The following PAM variants were observed in gnomAD, a reference collection of about 807,000 sequenced individuals.
PAM encodes peptidylglycine alpha-amidating monooxygenase, also known as peptidyl-glycine alpha-amidating monooxygenase.
In PAM, 72 loss-of-function variants were observed where a neutral mutation model predicts 122.1. The ratio of observed to expected loss-of-function variants is 0.59; its 90% CI spans 0.49 to 0.72. The LOEUF (loss-of-function observed/expected upper bound fraction) is 0.72, where lower values mean the gene tolerates loss of function less well. Among genes scored for constraint, PAM ranks in the 30% least tolerant of loss-of-function variants. PAM has a pLI of 0.00. For synonymous variants in PAM, 389 were observed against 404.4 expected (o/e 0.96, Z 0.46); for missense variants, 1,106 against 1,183.7 (o/e 0.93, Z 0.96).
rs113514209 is a variant in PAM at position 102,799,555 on chromosome 5, G to A, written c.-374+44207G>A. Among the ~76,000 whole-genome samples the A allele has an allele frequency of 7.1e-3, 1,087 of 152,290 alleles. 7 individuals are homozygous for A. Among genetic ancestry groups the A allele is most frequent in the African/African-American group, 0.025 (1,033 of 41,558 alleles). ...TTCAGCCACATATTTCTTAGCTATAGCGTAGGTATAGTAATGATATCGAAT... is the reference window on the plus strand; with the variant it reads ...TTCAGCCACATATTTCTTAGCTATAACGTAGGTATAGTAATGATATCGAAT... On this transcript the variant is annotated intron_variant, in intron 1 of 25. Transcript: ENST00000438793.
chr5:102,954,593 T>A (rs1158070105), intron 12 of PAM, among the ~76,000 whole-genome samples: 1 of 151,962 alleles, frequency 6.6e-6, no homozygotes, highest in East Asian at 1.9e-4. Flanking sequence ...AAGTATTATA[T>A]ATACTGACAA....
intron 1 of PAM, among the ~76,000 whole-genome samples, chr5:102,765,551 T>A (rs1342845504): frequency 1.3e-5 from 2 of 152,180 alleles, no homozygotes; most frequent in Non-Finnish European, 2.9e-5. Context: ...CCATGCAAGC[T>A]TGGGCCGACT....
chr5:102,805,702 C>T (rs1169463432), intron 1 of PAM, among the ~76,000 whole-genome samples: 1 of 152,122 alleles, frequency 6.6e-6, no homozygotes, highest in Non-Finnish European at 1.5e-5. Flanking sequence ...TTTATGATCT[C>T]TAATAAGGTG....
intron 15 of PAM, among the ~76,000 whole-genome samples, chr5:102,984,117 C>T (rs1392708884): frequency 6.6e-6 from 1 of 151,988 alleles, no homozygotes; most frequent in African/African-American, 2.4e-5. Context: ...AGAGAAAGGA[C>T]TCAAGTGTTG....
chr5:102,894,366 A>G (rs1296004164), intron 3 of PAM, among the ~76,000 whole-genome samples: 1 of 151,682 alleles, frequency 6.6e-6, no homozygotes, highest in Admixed American at 6.6e-5. Context: ...GATTTTGATT[A>G]TCCACATTGT....
At chr5:102,798,818 G>T (rs2150067974) in intron 1 of PAM, among the ~76,000 whole-genome samples, 2 of 152,282 alleles carry the variant, frequency 1.3e-5, no homozygotes, top group South Asian at 4.1e-4. Flanking sequence ...GAAGGGAAAA[G>T]AAGGTAATTC....
intron 1 of PAM, among the ~76,000 whole-genome samples, chr5:102,775,512 C>A (rs1406092152): frequency 6.6e-6 from 1 of 152,054 alleles, no homozygotes; most frequent in African/African-American, 2.4e-5. Context: ...CCCCGAAAGG[C>A]CCCAGTGTGT....
intron 20 of PAM, among the ~76,000 whole-genome samples, chr5:103,008,945 A>T (rs1343419408): frequency 6.6e-6 from 1 of 152,162 alleles, no homozygotes; most frequent in Non-Finnish European, 1.5e-5. Context: ...ATAGTAATTG[A>T]TGTTTATAGT....
intron 1 of PAM, among the ~76,000 whole-genome samples, chr5:102,756,653 A>G (rs1750425017): frequency 1.3e-5 from 2 of 152,044 alleles, no homozygotes; most frequent in Non-Finnish European, 2.9e-5. Context: ...TAGTTACTTT[A>G]TAAAGCAAGT....
At chr5:102,787,439 C>T (rs915772967) in intron 1 of PAM, among the ~76,000 whole-genome samples, 6 of 151,958 alleles carry the variant, frequency 3.9e-5, no homozygotes, top group African/African-American at 1.4e-4. Context: ...TCTGTCCCAA[C>T]TGTGGGGACA....
chr5:102,775,894 T>C (rs1349961604), intron 1 of PAM, among the ~76,000 whole-genome samples: 1 of 152,066 alleles, frequency 6.6e-6, no homozygotes, highest in Non-Finnish European at 1.5e-5. Flanking sequence ...TTTCTGGTAA[T>C]ACATCCTTGA....
chr5:102,802,653 G>A (rs74714616), intron 1 of PAM, among the ~76,000 whole-genome samples: 2,404 of 152,132 alleles, frequency 0.016, 57 homozygotes, highest in African/African-American at 0.054. Flanking sequence ...ACTCTTAAGG[G>A]CCCTTACTTG....
intron 1 of PAM, among the ~76,000 whole-genome samples, chr5:102,814,543 T>G (rs981921963): frequency 2.7e-5 from 4 of 148,216 alleles, no homozygotes; most frequent in Non-Finnish European, 6.0e-5. Flanking sequence ...ACATATATAT[T>G]GATATATACA....
chr5:102,782,725 C>CTGTGTGTGTG (rs35149404), intron 1 of PAM, among the ~76,000 whole-genome samples: 12 of 140,188 alleles, frequency 8.6e-5, no homozygotes, highest in South Asian at 7.2e-4. Context: ...CTCTCTCTCT[C>CTGTGTGTGTG]TGTGTGTGTG....
rs150561861 is a variant in PAM at position 102,961,171 on chromosome 5, A to G, written c.1104A>G (p.Lys368=). ...MHEHHKETEY[K]DKIPLLQQPK... ...GATCCTTTACAGAAACAGAATATAA[A>G]GATAAGATTCCTTTACTACAGCAGC... is the stretch of plus-strand genomic sequence containing the variant. The change falls in exon 14 of 26, where the codon AAA becomes AAG. Residue 368 remains lysine, a synonymous_variant. Transcript: ENST00000438793. 74 of 1,561,568 alleles carry G rather than the reference A, an allele frequency of 4.7e-5. No individual in the cohort carries two copies. The highest frequency in any genetic ancestry group is 4.3e-4 in the South Asian group (39 of 89,992).
At chr5:102,841,906 A>G (rs889099033) in intron 1 of PAM, among the ~76,000 whole-genome samples, 1 of 152,302 alleles carries the variant, frequency 6.6e-6, no homozygotes, top group African/African-American at 2.4e-5. Context: ...ATGCATAAAC[A>G]TCTGAAAAAT....
At chr5:102,838,349 G>C (rs1166132788) in intron 1 of PAM, 2 of 152,040 alleles carry the variant, frequency 1.3e-5, no homozygotes, top group Non-Finnish European at 2.9e-5. Context: ...GCCCAAGTTT[G>C]TTTGTTGTGA....
intron 3 of PAM, among the ~76,000 whole-genome samples, chr5:102,877,867 A>G (rs1346467186): frequency 6.6e-6 from 1 of 152,060 alleles, no homozygotes; most frequent in Non-Finnish European, 1.5e-5. Context: ...CATCTCTACA[A>G]AAATTTAAAA....
At chr5:102,973,211 G>C (rs1305250778) in intron 14 of PAM, among the ~76,000 whole-genome samples, 1 of 152,172 alleles carries the variant, frequency 6.6e-6, no homozygotes, top group African/African-American at 2.4e-5. Context: ...TGGTGTAGGA[G>C]AGCAGATTTG....
Sources: allele counts gnomAD v4.1 joint callset (sites outside exome capture counted in the v4.1 genomes callset), GRCh38; gene constraint gnomAD v4.1.1; transcripts MANE v1.5; gene names NCBI Gene and HGNC (gene_info 2026-07-23, HGNC 2026-07-21).